Variants in ASAP1 observed in about 807,000 individuals in gnomAD.
ASAP1 encodes the protein arf-GAP with SH3 domain, ANK repeat and PH domain-containing protein 1.
ASAP1 carries 43 observed loss-of-function variants against 145.2 expected under a neutral mutation model. The observed-to-expected ratio is 0.30, with a 90% CI of 0.23 to 0.38. ASAP1 has a LOEUF of 0.38. ASAP1 is among the 10% of genes least tolerant of loss of function. The pLI is 1.00. For missense variants in ASAP1, 1,018 were observed against 1,355.3 expected, an observed-to-expected ratio of 0.75 and a Z score of 3.91; for synonymous variants, 546 against 515.5, an observed-to-expected ratio of 1.06 and a Z score of -0.80.
intron 3 of ASAP1, among the ~76,000 whole-genome samples, chr8:130,286,650 G>A (rs1821631759): frequency 6.6e-6 from 1 of 152,184 alleles, no homozygotes; most frequent in Middle Eastern, 3.4e-3. Flanking sequence ...AGTGCCTGGT[G>A]CACAGGAAGT....
intron 3 of ASAP1, among the ~76,000 whole-genome samples, chr8:130,333,004 T>A (rs1408721724): frequency 6.6e-6 from 1 of 152,034 alleles, no homozygotes; most frequent in Non-Finnish European, 1.5e-5. Context: ...AGCAGCAACA[T>A]TCACAGTGAT....
At chr8:130,074,456 C>CAT (rs2097457396) in intron 27 of ASAP1, among the ~76,000 whole-genome samples, 1 of 140,794 alleles carries the variant, frequency 7.1e-6, no homozygotes, top group South Asian at 2.4e-4. Context: ...CACACACACA[C>CAT]ACACACACAC....
At chr8:130,134,401 T>C in intron 14 of ASAP1, 57 bp from the exon 15 acceptor site, 1 of 1,141,714 alleles carries the variant, frequency 8.8e-7, no homozygotes. Context: ...TACTTTCAGG[T>C]ACAACACAGA....
chr8:130,275,330 A>C (rs1820813298), intron 3 of ASAP1, among the ~76,000 whole-genome samples: 1 of 152,250 alleles, frequency 6.6e-6, no homozygotes, highest in Non-Finnish European at 1.5e-5. Flanking sequence ...AGAGAGCTAA[A>C]GAAAGCCACT....
intron 4 of ASAP1, among the ~76,000 whole-genome samples, chr8:130,217,092 A>T (rs1816973126): frequency 6.6e-6 from 1 of 152,218 alleles, no homozygotes; most frequent in Non-Finnish European, 1.5e-5. Context: ...TAAGGCAGGA[A>T]ATATGGCATG....
chr8:130,283,542 T>C (rs536594670), intron 3 of ASAP1, among the ~76,000 whole-genome samples: 2 of 126,326 alleles, frequency 1.6e-5, no homozygotes, highest in South Asian at 4.9e-4. Context: ...ATCACGTCAC[T>C]GCACCACTCC....
At chr8:130,084,415 G>C (rs1375576895) in intron 25 of ASAP1, 2 of 152,228 alleles carry the variant, frequency 1.3e-5, no homozygotes, top group East Asian at 3.8e-4. Flanking sequence ...TTTGGAAAAA[G>C]GTCTTAGTGT....
chr8:130,332,368 C>T (rs1007900495), intron 3 of ASAP1, among the ~76,000 whole-genome samples: 6 of 152,166 alleles, frequency 3.9e-5, no homozygotes, highest in Non-Finnish European at 7.3e-5. Context: ...ACCACCTGCA[C>T]TTTTTGAATA....
chr8:130,244,856 C>T (rs1483325549), intron 3 of ASAP1, among the ~76,000 whole-genome samples: 6 of 152,162 alleles, frequency 3.9e-5, no homozygotes, highest in African/African-American at 1.2e-4. Context: ...TTCTATCTGA[C>T]ACTCCTCTTG....
intron 3 of ASAP1, among the ~76,000 whole-genome samples, chr8:130,341,647 C>T (rs1286118149): frequency 6.6e-6 from 1 of 152,166 alleles, no homozygotes; most frequent in East Asian, 1.9e-4. Context: ...GGAACCAGAG[C>T]ATCACCTGAT....
chr8:130,274,331 A>G (rs1288811552), intron 3 of ASAP1, among the ~76,000 whole-genome samples: 1 of 152,222 alleles, frequency 6.6e-6, no homozygotes, highest in Admixed American at 6.5e-5. Context: ...TTTTTCAGTA[A>G]GTCCAAGTTT....
intron 27 of ASAP1, among the ~76,000 whole-genome samples, chr8:130,070,379 A>G (rs2097440468): frequency 6.6e-6 from 1 of 152,198 alleles, no homozygotes. Context: ...TAATGAACAC[A>G]GTATCACACT....
chr8:130,210,910 G>A (rs1457860312), intron 5 of ASAP1, among the ~76,000 whole-genome samples: 2 of 152,116 alleles, frequency 1.3e-5, no homozygotes, highest in Non-Finnish European at 2.9e-5. Flanking sequence ...TTTTTGTCAG[G>A]TATTATGCTT....
intron 3 of ASAP1, among the ~76,000 whole-genome samples, chr8:130,312,594 C>T (rs1339308373): frequency 2.6e-5 from 4 of 152,196 alleles, no homozygotes; most frequent in Non-Finnish European, 4.4e-5. Context: ...CAGGCATTAT[C>T]TCACTGAACC....
chr8:130,436,856 C>T (rs1830328971), intron 1 of ASAP1, among the ~76,000 whole-genome samples: 1 of 151,924 alleles, frequency 6.6e-6, no homozygotes, highest in Admixed American at 6.6e-5. Context: ...ACTGTGATCC[C>T]AGCACTCTGG....
At chr8:130,108,429 T>C (rs1027805135) in intron 24 of ASAP1, among the ~76,000 whole-genome samples, 10 of 152,216 alleles carry the variant, frequency 6.6e-5, no homozygotes, top group Admixed American at 6.5e-4. Flanking sequence ...ATTATCATTC[T>C]TTTACTTAAC....
chr8:130,074,594 G>C (rs894256191), intron 27 of ASAP1, among the ~76,000 whole-genome samples: 1 of 152,136 alleles, frequency 6.6e-6, no homozygotes, highest in African/African-American at 2.4e-5. Flanking sequence ...GAAGGAAACA[G>C]CAATGCAAAA....
chr8:130,057,808 A>T, intron 29 of ASAP1, 146 bp downstream of exon 29: 1 of 1,036,944 alleles, frequency 9.6e-7, no homozygotes, highest in Non-Finnish European at 1.4e-6. Flanking sequence ...CACCAAATGC[A>T]ATGGCTGTTG....
intron 24 of ASAP1, among the ~76,000 whole-genome samples, chr8:130,100,984 T>C (rs1420994668): frequency 6.6e-6 from 1 of 152,194 alleles, no homozygotes; most frequent in East Asian, 1.9e-4. Context: ...GTTTAAGTCT[T>C]TAATTCATCT....
Sources: gnomAD v4.1 joint callset for allele counts (sites outside exome capture counted in the v4.1 genomes callset) on GRCh38, gnomAD v4.1.1 for gene constraint, MANE v1.5 for transcripts, NCBI Gene and HGNC (gene_info 2026-07-23, HGNC 2026-07-21) for gene names.